Variants in GPATCH1 observed in about 807,000 individuals in gnomAD.
GPATCH1 encodes the protein G-patch domain containing 1.
Under a neutral mutation model 114.9 loss-of-function variants are expected in GPATCH1, and 73 were observed. That is an observed-to-expected ratio of 0.64 (90% CI 0.53 to 0.77). The LOEUF (loss-of-function observed/expected upper bound fraction) is 0.77. Ranked by LOEUF, GPATCH1 falls within the 30% of genes least tolerant of loss-of-function variation. GPATCH1 has a pLI of 0.00. For missense variants in GPATCH1, 1,058 were observed against 1,144.3 expected (o/e 0.92, Z 1.09); for synonymous variants, 391 against 428.4 (o/e 0.91, Z 1.08).
intron 14 of GPATCH1, 63 bp from the exon 15 acceptor site, chr19:33,114,190 G>A: frequency 1.5e-6 from 2 of 1,374,230 alleles, no homozygotes; most frequent in Non-Finnish European, 2.1e-6. Context: ...TGAAAGAGCA[G>A]TGGTGAAGAA....
Position 33,097,784 on chromosome 19 carries a change from A to C in GPATCH1, c.882A>C (p.Glu294Asp). ...QAFGVGALEEEDDDIYATETL... is the reference protein window; with the variant it reads ...QAFGVGALEEDDDDIYATETL... The stretch of plus-strand genomic sequence containing the variant: ...TTGGTGTAGGTGCCCTGGAAGAGGA[A>C]GATGATGATATCTATGCCACAGAAA... Residue 294 changes from glutamate (E) to aspartate (D), a missense_variant, in exon 8 of 20, where the codon GAA becomes GAC. Around this residue, in one of 3 missense-constraint regions of GPATCH1, gnomAD observed 893 missense variants for 977.4 expected, o/e 0.91. Transcript: ENST00000170564. 1 of 1,613,966 alleles carries C rather than the reference A, an allele frequency of 6.2e-7. No homozygotes were observed. The highest frequency in any genetic ancestry group is 8.5e-7 in the Non-Finnish European group (1 of 1,179,864).
intron 17 of GPATCH1, among the ~76,000 whole-genome samples, chr19:33,122,235 T>C (rs1057166356): frequency 6.6e-6 from 1 of 152,084 alleles, no homozygotes; most frequent in African/African-American, 2.4e-5. Flanking sequence ...CTTGAACTTC[T>C]AACCTCAAGT....
chr19:33,125,403 CTT>C (rs761807532), intron 18 of GPATCH1, among the ~76,000 whole-genome samples: 2 of 144,966 alleles, frequency 1.4e-5, no homozygotes. Flanking sequence ...CGCCCCCCCG[CTT>C]TTTTTTTTTT....
intron 9 of GPATCH1, among the ~76,000 whole-genome samples, chr19:33,103,003 C>T (rs559944730): frequency 1.3e-5 from 2 of 152,258 alleles, no homozygotes; most frequent in East Asian, 3.9e-4. Flanking sequence ...GATGCTGTCA[C>T]AGCCACATGT....
At chr19:33,082,970 G>T (rs868023862) in intron 1 of GPATCH1, among the ~76,000 whole-genome samples, 1 of 152,012 alleles carries the variant, frequency 6.6e-6, no homozygotes, top group Non-Finnish European at 1.5e-5. Flanking sequence ...CGGGCGTGGT[G>T]GCTCACGCCT....
Position 33,088,118 on chromosome 19 carries a change from T to C in GPATCH1, c.74-16T>C. 1.4e-6 allele frequency: 2 copies of C among 1,414,240 alleles called. No individual in the cohort carries two copies. The highest frequency in any genetic ancestry group is 1.9e-6 in the Non-Finnish European group (2 of 1,077,996). The allele number at this position is 1,414,240 out of a possible 1,614,324, so 87.6% of individuals were successfully genotyped here. ...CTCTTTTTCATTTAAAAAACTTTTTTTTTTTTTTTTTTTAGGTGAAAGACC... is the reference window on the plus strand; with the variant it reads ...CTCTTTTTCATTTAAAAAACTTTTTCTTTTTTTTTTTTTAGGTGAAAGACC... On this transcript the variant is annotated splice_polypyrimidine_tract_variant and intron_variant, in intron 1 of 19. Transcript: ENST00000170564.
intron 9 of GPATCH1, among the ~76,000 whole-genome samples, chr19:33,105,955 C>T (rs964117393): frequency 1.1e-4 from 17 of 151,982 alleles, no homozygotes; most frequent in Non-Finnish European, 1.5e-5. Flanking sequence ...TTACGCGACT[C>T]TCCTGCCTCA....
At chr19:33,112,820 T>C (rs1972872363) in intron 13 of GPATCH1, 1 of 431,498 alleles carries the variant, frequency 2.3e-6, no homozygotes, top group African/African-American at 2.0e-5. Flanking sequence ...ATAGCAAACT[T>C]TATTCCATAT....
In GPATCH1 at chr19:33,101,288, G is replaced by A. The variant is rs570376972; in HGVS notation, c.1001-207G>A. Reference sequence around the variant, plus strand: ...CTGGGTAGCCCAATCTGTCCAGGGCGGTGTGGGCCGGGCCTTAGTCACTGA... The same window carrying A: ...CTGGGTAGCCCAATCTGTCCAGGGCAGTGTGGGCCGGGCCTTAGTCACTGA... On this transcript the variant is annotated intron_variant, in intron 8 of 19. Transcript: ENST00000170564. Among the ~76,000 whole-genome samples the A allele has an allele frequency of 3.9e-5, 6 of 152,298 alleles. No homozygotes were observed. In the East Asian group the frequency reaches 7.7e-4, roughly 20 times the overall value.
At chr19:33,129,108 G>C (rs776475210) in intron 19 of GPATCH1, among the ~76,000 whole-genome samples, 2 of 152,018 alleles carry the variant, frequency 1.3e-5, no homozygotes, top group Non-Finnish European at 2.9e-5. Flanking sequence ...CTAGCCAGGC[G>C]TGGTGGCACG....
At chr19:33,107,525 A>C (rs760002953) in intron 10 of GPATCH1, among the ~76,000 whole-genome samples, 4 of 152,130 alleles carry the variant, frequency 2.6e-5, no homozygotes, top group African/African-American at 9.7e-5. Context: ...TGGGGATCGC[A>C]TTGTGTAACT....
rs776884390 is a variant in GPATCH1, at chr19:33,095,802, A to G, written c.594A>G (p.Gly198=). ...VKIYGCALPP[G]SSEGSEGEDD... Reference sequence around the variant, plus strand: ...TCTATGGCTGTGCATTACCCCCTGGAAGCTCGGAAGGATCTGAGGTATTGC... The same window carrying G: ...TCTATGGCTGTGCATTACCCCCTGGGAGCTCGGAAGGATCTGAGGTATTGC... The change falls in exon 6 of 20, where the codon GGA becomes GGG. Residue 198 remains glycine, a synonymous_variant. Coordinates refer to ENST00000170564, the MANE Select transcript of GPATCH1 (RefSeq NM_018025.3). 1 of 1,610,758 alleles carries G rather than the reference A, an allele frequency of 6.2e-7. No individual in the cohort carries two copies.
At position 33,113,798 on chromosome 19, in the gene GPATCH1, C is replaced by T. The variant is rs777269186; in HGVS notation, c.1924C>T (p.Arg642Cys). 1.9e-5 allele frequency: 30 copies of T among 1,613,178 alleles called. No homozygotes were observed. The highest frequency in any genetic ancestry group is 2.3e-5 in the Non-Finnish European group (27 of 1,179,344). ...STLVGLPRVK[R>C]DKYSVFNFLT... The stretch of plus-strand genomic sequence containing the variant: ...TTTAGTTGGCTTACCAAGAGTGAAG[C>T]GTGACAAGTACTCAGTCTTCAACTT... Residue 642 changes from arginine (R) to cysteine (C), a missense_variant, in exon 14 of 20, where the codon CGT becomes TGT. Physicochemically the swap from Arg to Cys is radical, Grantham distance 180. Coordinates refer to ENST00000170564, the MANE Select transcript of GPATCH1 (RefSeq NM_018025.3).
chr19:33,128,539 C>T (rs1028725493), intron 19 of GPATCH1, among the ~76,000 whole-genome samples: 2 of 152,130 alleles, frequency 1.3e-5, no homozygotes, highest in Non-Finnish European at 2.9e-5. Flanking sequence ...GGATTACAGG[C>T]GTGAGCCACC....
chr19:33,120,285 A>AATTATATAAAATTATATATAAAT (rs1972967244), intron 17 of GPATCH1, among the ~76,000 whole-genome samples: 1 of 134,616 alleles, frequency 7.4e-6, no homozygotes, highest in African/African-American at 3.0e-5. Context: ...TATATATAAA[A>AATTATATAAAATTATATATAAAT]ATTATATATA....
chr19:33,128,450 C>T (rs913212170), intron 19 of GPATCH1, among the ~76,000 whole-genome samples: 24 of 152,236 alleles, frequency 1.6e-4, no homozygotes, highest in Middle Eastern at 3.4e-3. Context: ...TTAGTAGAGA[C>T]GGGGTTTCAC....
chr19:33,122,443 G>A (rs946743803), intron 17 of GPATCH1, among the ~76,000 whole-genome samples: 3 of 151,522 alleles, frequency 2.0e-5, no homozygotes, highest in African/African-American at 7.3e-5. Context: ...TCCTGCCTCA[G>A]CCTCCCAACT....
At chr19:33,100,555 T>C (rs1226298813) in intron 8 of GPATCH1, among the ~76,000 whole-genome samples, 1 of 134,692 alleles carries the variant, frequency 7.4e-6, no homozygotes, top group Admixed American at 8.3e-5. Context: ...GCCACTGTAC[T>C]CTAGCCTGGT....
Position 33,111,921 on chromosome 19 carries a change from C to T in GPATCH1, c.1764+19C>T. 6.3e-7 allele frequency: 1 copy of T among 1,577,906 alleles called. No homozygotes were observed. Among genetic ancestry groups the T allele is most frequent in the Non-Finnish European group, 8.7e-7 (1 of 1,149,800 alleles). ...CCAAGAGGTCTGTTGTCACCATGTC[C>T]CTTACCTGGTGAACTTTAATATTAA... is the stretch of plus-strand genomic sequence containing the variant. On this transcript the variant is annotated intron_variant, in intron 12 of 19. Transcript: ENST00000170564.
Sources: gnomAD v4.1 joint callset for allele counts (sites outside exome capture counted in the v4.1 genomes callset) on GRCh38, gnomAD v4.1.1 for gene constraint, gnomAD v4.1.1 regional missense constraint, MANE v1.5 for transcripts, NCBI Gene and HGNC (gene_info 2026-07-23, HGNC 2026-07-21) for gene names.